The following IGFBP7 variants were observed in gnomAD, a reference collection of about 807,000 sequenced individuals.
The protein encoded by IGFBP7 is insulin-like growth factor-binding protein 7.
A neutral mutation model predicts 29.4 loss-of-function variants in IGFBP7; 31 were observed. The ratio of observed to expected loss-of-function variants is 1.05; its 90% CI spans 0.79 to 1.42. The LOEUF (loss-of-function observed/expected upper bound fraction) is 1.42, where lower values mean the gene tolerates loss of function less well. IGFBP7 is among the 40% of genes most tolerant of loss of function. IGFBP7 has a pLI of 0.00. For synonymous variants in IGFBP7, 172 were observed against 174.9 expected, an observed-to-expected ratio of 0.98 and a Z score of 0.13; for missense variants, 393 against 395.5, an observed-to-expected ratio of 0.99 and a Z score of 0.05.
At chr4:57,076,613 A>G (rs865857186) in intron 1 of IGFBP7, among the ~76,000 whole-genome samples, 2 of 152,206 alleles carry the variant, frequency 1.3e-5, no homozygotes, top group Admixed American at 1.3e-4. Flanking sequence ...AGTAGAACCG[A>G]CAGATTAAAG....
rs539580576 is a variant in IGFBP7 at position 57,109,416 on chromosome 4, G to A, written c.475+461C>T. ...ACTGCCCTCCACCCTGGGCGACAGAGCAAGATCCTATCTTTTAAAAAAAAA... is the reference window on the plus strand; with the variant it reads ...ACTGCCCTCCACCCTGGGCGACAGAACAAGATCCTATCTTTTAAAAAAAAA... On this transcript the variant is annotated intron_variant, in intron 1 of 4. Transcript: ENST00000295666. 9.9e-5 allele frequency among the ~76,000 whole-genome samples: 15 copies of A among 152,028 alleles called. 1 individual carries two copies. In the South Asian group the frequency reaches 3.1e-3, roughly 32 times the overall value.
chr4:57,032,436 T>G lies in IGFBP7; in HGVS notation c.819A>C (p.Pro273=). The G allele has an allele frequency of 6.2e-7, 1 of 1,613,776 alleles. No homozygotes were observed. Among genetic ancestry groups the G allele is most frequent in the Non-Finnish European group, 8.5e-7 (1 of 1,179,694 alleles). Residue 273 remains proline, a synonymous_variant, in exon 4 of 5, where the codon CCA becomes CCC. Transcript: ENST00000295666. ...ITVVDALHEI[P]VKKGEGAEL ...AGATTTATTGTGTACCTTTTTTCAC[T>G]GGTATTTCATGTAAGGCATCAACCA...
chr4:57,103,933 G>A (rs532562998), intron 1 of IGFBP7, among the ~76,000 whole-genome samples: 6 of 152,076 alleles, frequency 3.9e-5, no homozygotes, highest in South Asian at 4.2e-4. Flanking sequence ...AGGGACAATA[G>A]ATCTCTTGAG....
chr4:57,069,123 G>T (rs1376608174), intron 1 of IGFBP7, among the ~76,000 whole-genome samples: 1 of 152,178 alleles, frequency 6.6e-6, no homozygotes, highest in Non-Finnish European at 1.5e-5. Context: ...TTCTAGGGGT[G>T]TTTTTAGGAG....
intron 1 of IGFBP7, among the ~76,000 whole-genome samples, chr4:57,092,818 A>T (rs1202750341): frequency 6.6e-6 from 1 of 151,134 alleles, no homozygotes. Flanking sequence ...ATTATGGTTC[A>T]TTCAAATTAT....
chr4:57,092,922 A>G (rs1480758980), intron 1 of IGFBP7, among the ~76,000 whole-genome samples: 1 of 151,972 alleles, frequency 6.6e-6, no homozygotes, highest in Non-Finnish European at 1.5e-5. Context: ...TATGGACTCC[A>G]CATTTGCAAA....
chr4:57,039,931 C>CT (rs66596505), intron 2 of IGFBP7, among the ~76,000 whole-genome samples: 209 of 151,574 alleles, frequency 1.4e-3, no homozygotes, highest in African/African-American at 4.7e-3. Flanking sequence ...CAGCCTCACA[C>CT]TTTTTTTTTT....
chr4:57,098,684 T>C (rs1725823345), intron 1 of IGFBP7, among the ~76,000 whole-genome samples: 1 of 152,144 alleles, frequency 6.6e-6, no homozygotes, highest in African/African-American at 2.4e-5. Flanking sequence ...GCATTTCTAC[T>C]AAGCAGCCAC....
chr4:57,034,040 A>G (rs1401777531), intron 2 of IGFBP7, among the ~76,000 whole-genome samples: 1 of 91,012 alleles, frequency 1.1e-5, no homozygotes, highest in Non-Finnish European at 2.0e-5. Context: ...ACAGAGTGAG[A>G]CTCCATCTCA....
chr4:57,060,901 G>C (rs1356403629), intron 1 of IGFBP7, among the ~76,000 whole-genome samples: 2 of 151,962 alleles, frequency 1.3e-5, no homozygotes, highest in African/African-American at 4.8e-5. Flanking sequence ...CCTGAGTGAC[G>C]GGGCAAAAAA....
chr4:57,081,568 T>C (rs1431436901), intron 1 of IGFBP7, among the ~76,000 whole-genome samples: 1 of 152,056 alleles, frequency 6.6e-6, no homozygotes, highest in African/African-American at 2.4e-5. Context: ...AGGGGGAATG[T>C]CGGGCCTTGT....
intron 1 of IGFBP7, among the ~76,000 whole-genome samples, chr4:57,103,817 C>T (rs1725959664): frequency 6.6e-6 from 1 of 151,466 alleles, no homozygotes; most frequent in Admixed American, 6.6e-5. Flanking sequence ...TGCCACCACA[C>T]CCAGCTAATT....
intron 1 of IGFBP7, among the ~76,000 whole-genome samples, chr4:57,051,689 T>G (rs1303880609): frequency 5.7e-4 from 87 of 152,238 alleles, no homozygotes; most frequent in Admixed American, 5.7e-3. Flanking sequence ...TCAGGAATTC[T>G]GCTCTACCAC....
At chr4:57,105,938 G>A (rs1276458640) in intron 1 of IGFBP7, among the ~76,000 whole-genome samples, 4 of 119,470 alleles carry the variant, frequency 3.3e-5, no homozygotes, top group Non-Finnish European at 6.7e-5. Flanking sequence ...ATGGAGTCTT[G>A]CTCTTTTGCC....
intron 1 of IGFBP7, among the ~76,000 whole-genome samples, chr4:57,107,459 A>G (rs1490801004): frequency 1.3e-5 from 2 of 152,212 alleles, no homozygotes; most frequent in African/African-American, 4.8e-5. Flanking sequence ...CACAGAAGTA[A>G]ATGGCACTCT....
intron 1 of IGFBP7, among the ~76,000 whole-genome samples, chr4:57,044,933 C>T (rs1184911890): frequency 6.6e-6 from 1 of 152,086 alleles, no homozygotes; most frequent in Non-Finnish European, 1.5e-5. Context: ...TGGTCTCAAA[C>T]TCGTGGGCTC....
At chr4:57,042,283 C>A (rs932269059) in intron 1 of IGFBP7, among the ~76,000 whole-genome samples, 54 of 152,206 alleles carry the variant, frequency 3.5e-4, no homozygotes, top group African/African-American at 1.3e-3. Flanking sequence ...CAAATCTGGC[C>A]TGCCATCTGT....
chr4:57,079,458 C>T (rs1179423726), intron 1 of IGFBP7, among the ~76,000 whole-genome samples: 1 of 152,148 alleles, frequency 6.6e-6, no homozygotes, highest in African/African-American at 2.4e-5. Context: ...TTAACACGGT[C>T]CTCCTTTGCA....
intron 1 of IGFBP7, among the ~76,000 whole-genome samples, chr4:57,042,039 G>A (rs1421704773): frequency 6.6e-6 from 1 of 152,192 alleles, no homozygotes; most frequent in African/African-American, 2.4e-5. Context: ...TTGGCAAGTG[G>A]GGGGCACCCT....
Sources: allele counts gnomAD v4.1 joint callset (sites outside exome capture counted in the v4.1 genomes callset), GRCh38; gene constraint gnomAD v4.1.1; transcripts MANE v1.5; gene names NCBI Gene and HGNC (gene_info 2026-07-23, HGNC 2026-07-21).